Variants in KAZN observed in about 807,000 individuals in gnomAD.
KAZN encodes kazrin.
In KAZN, 40 loss-of-function variants were observed where a neutral mutation model predicts 87.4. The ratio of observed to expected loss-of-function variants is 0.46; its 90% CI spans 0.36 to 0.60. The LOEUF is 0.60. Among genes scored for constraint, KAZN ranks in the 20% least tolerant of loss-of-function variants. The pLI, the probability that KAZN is intolerant of heterozygous loss-of-function variation, is 0.00. For missense variants in KAZN, 898 were observed against 1,073.9 expected (o/e 0.84, Z 2.29); for synonymous variants, 466 against 458.3 (o/e 1.02, Z -0.22).
rs1179340914 is a variant in KAZN at position 14,393,548 on chromosome 1, T to C, written c.250-205435T>C. ...ACACGCTTTGTAGAATAATAGTTCATAGTAGCCTCACGAAGAGTTTGCCAT... is the reference window on the plus strand; with the variant it reads ...ACACGCTTTGTAGAATAATAGTTCACAGTAGCCTCACGAAGAGTTTGCCAT... On this transcript the variant is annotated intron_variant, in intron 2 of 16. Coordinates refer to the KAZN transcript ENST00000636203. Among the ~76,000 whole-genome samples the C allele has an allele frequency of 2.0e-5, 3 of 152,122 alleles. 1 individual carries two copies. Among genetic ancestry groups the C allele is most frequent in the South Asian group, 2.1e-4 (1 of 4,830 alleles).
rs190154097 is a variant in KAZN at position 14,629,560 on chromosome 1, C to G, written c.226+30337C>G. 2.0e-5 allele frequency among the ~76,000 whole-genome samples: 3 copies of G among 152,352 alleles called. No individual in the cohort carries two copies. The East Asian group carries it at 5.8e-4, about 29-fold the overall frequency. ...CCACGCCCTGCCTCTTCTTTGCTCC[C>G]TCCGGTTTCCTCTGTCCATAGCAGT... On this transcript the variant is annotated intron_variant, in intron 1 of 14. Coordinates refer to ENST00000376030, the MANE Select transcript of KAZN (RefSeq NM_201628.3).
chr1:14,332,568 G>A (rs1656927564), intron 2 of KAZN, among the ~76,000 whole-genome samples: 1 of 150,252 alleles, frequency 6.7e-6, no homozygotes, highest in African/African-American at 2.4e-5. Context: ...TTATTTTTTT[G>A]TGCTCTCATG....
chr1:14,554,525 C>A (rs572177858), intron 2 of KAZN, among the ~76,000 whole-genome samples: 3 of 152,200 alleles, frequency 2.0e-5, no homozygotes, highest in Non-Finnish European at 2.9e-5. Flanking sequence ...GATAACCTGA[C>A]CCTACATACG....
At chr1:15,093,333 T>C (rs1640642455) in intron 8 of KAZN, among the ~76,000 whole-genome samples, 1 of 152,050 alleles carries the variant, frequency 6.6e-6, no homozygotes, top group African/African-American at 2.4e-5. Flanking sequence ...CTAGGTGGTG[T>C]CGATCTAGAA....
At chr1:14,584,738 G>A (rs779560388) in intron 2 of KAZN, among the ~76,000 whole-genome samples, 19 of 151,976 alleles carry the variant, frequency 1.3e-4, no homozygotes, top group East Asian at 9.7e-4. Flanking sequence ...TCTGCCTCCT[G>A]GGTTCAAGCG....
intron 1 of KAZN, among the ~76,000 whole-genome samples, chr1:14,692,817 C>T (rs982546643): frequency 4.6e-5 from 7 of 152,314 alleles, no homozygotes; most frequent in African/African-American, 1.2e-4. Flanking sequence ...CCTGTAAACC[C>T]GGCTACTTGG....
intron 2 of KAZN, among the ~76,000 whole-genome samples, chr1:14,992,648 T>C (rs762934385): frequency 6.6e-6 from 1 of 152,078 alleles, no homozygotes; most frequent in Non-Finnish European, 1.5e-5. Context: ...TGTTTTTTTG[T>C]TTTATTTTGT....
intron 1 of KAZN, among the ~76,000 whole-genome samples, chr1:14,174,535 T>A (rs1489496047): frequency 1.3e-5 from 2 of 152,182 alleles, no homozygotes; most frequent in Non-Finnish European, 2.9e-5. Context: ...TTATTTGAGC[T>A]ATGTTTAAAG....
At chr1:13,948,469 C>T (rs1033777969) in intron 1 of KAZN, among the ~76,000 whole-genome samples, 1 of 152,176 alleles carries the variant, frequency 6.6e-6, no homozygotes, top group Non-Finnish European at 1.5e-5. Flanking sequence ...TTTCCTGAGG[C>T]CTCCCCAGCC....
At position 14,490,803 on chromosome 1, in the gene KAZN, T is replaced by TA. The variant is rs201904865; in HGVS notation, c.250-108176dup. On this transcript the variant is annotated intron_variant, in intron 2 of 16. Coordinates refer to the KAZN transcript ENST00000636203. The stretch of plus-strand genomic sequence containing the variant: ...TGTAGAAAAAATACAAAGAGGAGAA[T>TA]AAAATTCACCTGCCATGATGCTTCC... Among the ~76,000 whole-genome samples, 1,234 of 152,316 alleles carry TA rather than the reference T, an allele frequency of 8.1e-3. 16 individuals carry two copies. The highest frequency in any genetic ancestry group is 0.027 in the African/African-American group (1,129 of 41,574).
At chr1:14,977,957 G>A (rs972384477) in intron 2 of KAZN, among the ~76,000 whole-genome samples, 6 of 138,218 alleles carry the variant, frequency 4.3e-5, no homozygotes, top group Non-Finnish European at 6.0e-5. Context: ...GCAATGGCAC[G>A]ATCTCGGCTC....
At chr1:14,196,427 G>A (rs1017373034) in intron 2 of KAZN, among the ~76,000 whole-genome samples, 1 of 152,144 alleles carries the variant, frequency 6.6e-6, no homozygotes, top group East Asian at 1.9e-4. Context: ...ACCTCTCCAA[G>A]GTGGTGAGAA....
At chr1:14,300,843 G>T (rs552283938) in intron 2 of KAZN, among the ~76,000 whole-genome samples, 4 of 152,310 alleles carry the variant, frequency 2.6e-5, no homozygotes, top group African/African-American at 9.6e-5. Context: ...TCCCTAGGAC[G>T]TATCCTACCT....
chr1:14,705,950 G>T (rs113550057), intron 1 of KAZN, among the ~76,000 whole-genome samples: 42 of 152,274 alleles, frequency 2.8e-4, no homozygotes, highest in African/African-American at 9.6e-4. Context: ...TGAGTGGCAG[G>T]TGGGCAAGTG....
At chr1:14,757,133 C>G (rs1392388836) in intron 1 of KAZN, among the ~76,000 whole-genome samples, 1 of 152,212 alleles carries the variant, frequency 6.6e-6, no homozygotes, top group Non-Finnish European at 1.5e-5. Flanking sequence ...GGATGACTTA[C>G]AACTTAAACA....
In KAZN at chr1:15,066,255, T is replaced by A; in HGVS notation, c.1222+502T>A. On this transcript the variant is annotated intron_variant, in intron 8 of 14. Transcript: ENST00000376030. This position sits in a 1 kb window ranked among gnomAD's most constrained non-coding sequence, Gnocchi z 4.3. Reference sequence around the variant, plus strand: ...AATAACAAAACTATTGTGCACTCTGTGCTTGTAAATGTCCCTCGTCCAAAC... The same window carrying A: ...AATAACAAAACTATTGTGCACTCTGAGCTTGTAAATGTCCCTCGTCCAAAC... The A allele has an allele frequency of 1.0e-6, 1 of 986,154 alleles. No homozygotes were observed. The highest frequency in any genetic ancestry group is 1.2e-6 in the Non-Finnish European group (1 of 830,478). 61.1% of individuals were successfully genotyped at this position (986,154 alleles called of 1,614,324 possible).
intron 1 of KAZN, among the ~76,000 whole-genome samples, chr1:14,858,216 T>TTTTTTTTG (rs1650392721): frequency 1.9e-5 from 1 of 53,744 alleles, no homozygotes; most frequent in Non-Finnish European, 4.2e-5. Flanking sequence ...TTTCTTTTCT[T>TTTTTTTTG]TTTTTTTTTT....
At chr1:14,105,413 A>G (rs988527387) in intron 1 of KAZN, among the ~76,000 whole-genome samples, 1 of 152,166 alleles carries the variant, frequency 6.6e-6, no homozygotes, top group Non-Finnish European at 1.5e-5. Flanking sequence ...CCTGGGGTGG[A>G]AGGGGGTTTG....
intron 1 of KAZN, among the ~76,000 whole-genome samples, chr1:14,614,988 G>A (rs1038419170): frequency 2.0e-5 from 3 of 152,224 alleles, no homozygotes; most frequent in African/African-American, 7.2e-5. Context: ...ACCTCCCACG[G>A]CTGTTGTAGG....
Sources: gnomAD v4.1 joint callset for allele counts (sites outside exome capture counted in the v4.1 genomes callset) on GRCh38, gnomAD v4.1.1 for gene constraint, Gnocchi (gnomAD v3.1) non-coding constraint, MANE v1.5 for transcripts, NCBI Gene and HGNC (gene_info 2026-07-23, HGNC 2026-07-21) for gene names.